Variants in TENM2 observed in about 807,000 individuals in gnomAD.
TENM2 encodes teneurin transmembrane protein 2, also known as teneurin-2.
TENM2 carries 52 observed loss-of-function variants against 245.2 expected under a neutral mutation model. The observed-to-expected ratio is 0.21, with a 90% CI of 0.17 to 0.27. The LOEUF is 0.27. TENM2 is among the 10% of genes least tolerant of loss of function. The probability of loss-of-function intolerance (pLI) is 1.00; values close to 1 mark genes in which losing one functional copy is unlikely to be tolerated. For missense variants in TENM2, 3,046 were observed against 3,666.8 expected, an observed-to-expected ratio of 0.83 and a Z score of 4.37; for synonymous variants, 1,363 against 1,438.9, an observed-to-expected ratio of 0.95 and a Z score of 1.19.
intron 2 of TENM2, among the ~76,000 whole-genome samples, chr5:167,829,281 CCTTAAAGAAACTG>C (rs1768258475): frequency 6.6e-6 from 1 of 152,214 alleles, no homozygotes; most frequent in African/African-American, 2.4e-5. Flanking sequence ...GAGACACCAG[CCTTAAAGAAACTG>C]CCTCATGTTC....
At chr5:167,945,024 C>T (rs1405603398) in intron 3 of TENM2, among the ~76,000 whole-genome samples, 1 of 152,102 alleles carries the variant, frequency 6.6e-6, no homozygotes, top group Non-Finnish European at 1.5e-5. Flanking sequence ...TCATTGATTC[C>T]AGCAATCAAC....
chr5:167,202,536 C>A, the TENM2 span, among the ~76,000 whole-genome samples: 2 of 152,190 alleles, frequency 1.3e-5, no homozygotes, highest in Non-Finnish European at 1.5e-5. Flanking sequence ...AAAGCCATAT[C>A]TCTTCTTCAT....
the TENM2 span, among the ~76,000 whole-genome samples, chr5:167,177,889 C>T: frequency 2.0e-5 from 3 of 152,172 alleles, no homozygotes; most frequent in African/African-American, 7.2e-5. Context: ...CGAACTGCAG[C>T]AGGTCCATAT....
At chr5:167,817,521 C>G (rs1359425939) in intron 2 of TENM2, among the ~76,000 whole-genome samples, 3 of 152,050 alleles carry the variant, frequency 2.0e-5, no homozygotes, top group South Asian at 2.1e-4. Context: ...TTTTCTTACT[C>G]AAAAGATTTA....
chr5:167,882,876 T>C (rs544103809), intron 3 of TENM2, among the ~76,000 whole-genome samples: 1 of 152,284 alleles, frequency 6.6e-6, no homozygotes, highest in South Asian at 2.1e-4. Flanking sequence ...CCCTATCTGA[T>C]TAGATTGAGC....
chr5:167,703,829 G>T (rs1758327110), intron 2 of TENM2, among the ~76,000 whole-genome samples: 2 of 152,132 alleles, frequency 1.3e-5, no homozygotes, highest in African/African-American at 2.4e-5. Flanking sequence ...GCTGATAGAA[G>T]AAAGTAAAAA....
chr5:167,082,317 C>T, the TENM2 span, among the ~76,000 whole-genome samples: 5 of 152,036 alleles, frequency 3.3e-5, 1 homozygote, highest in South Asian at 1.0e-3. Flanking sequence ...TGGAGTCTCA[C>T]TCTGTCGCTC....
chr5:167,831,765 T>C (rs777386960), intron 2 of TENM2, among the ~76,000 whole-genome samples: 130 of 152,294 alleles, frequency 8.5e-4, no homozygotes, highest in Non-Finnish European at 1.5e-3. Flanking sequence ...TGTCATATAA[T>C]AGCCTTAATG....
chr5:168,258,059 C>T (rs1767838680), intron 27 of TENM2, among the ~76,000 whole-genome samples: 1 of 152,146 alleles, frequency 6.6e-6, no homozygotes, highest in South Asian at 2.1e-4. Flanking sequence ...GACACATACT[C>T]AGGACCTATT....
chr5:167,406,846 G>A (rs1267655148), intron 2 of TENM2, among the ~76,000 whole-genome samples: 2 of 152,058 alleles, frequency 1.3e-5, no homozygotes, highest in African/African-American at 2.4e-5. Context: ...GCTTGTGTAT[G>A]TGTCATGGTG....
rs1756456010 is a variant in TENM2 at position 168,149,548 on chromosome 5, T to C, written c.2423-13063T>C. ...CACATCTAGCATTAGCGGTGCCACATAGAGTCACAGAGCAGGACAAATTTG... is the reference window on the plus strand; with the variant it reads ...CACATCTAGCATTAGCGGTGCCACACAGAGTCACAGAGCAGGACAAATTTG... On this transcript the variant is annotated intron_variant, in intron 12 of 28. Transcript: ENST00000518659. 6.6e-6 allele frequency: 3 copies of C among 454,390 alleles called. 1 individual carries two copies. The highest frequency in any genetic ancestry group is 4.4e-6 in the Non-Finnish European group (1 of 225,426). The allele number at this position is 454,390 out of a possible 1,614,324, so 28.1% of individuals were successfully genotyped here.
intron 21 of TENM2, 37 bp from the exon 24 acceptor site, chr5:168,216,731 T>C: frequency 6.2e-7 from 1 of 1,612,562 alleles, no homozygotes; most frequent in Non-Finnish European, 8.5e-7. Context: ...TCCTACACCT[T>C]TCCAAGAGAT....
chr5:168,024,917 A>G (rs1422082272), intron 5 of TENM2, among the ~76,000 whole-genome samples: 1 of 152,202 alleles, frequency 6.6e-6, no homozygotes, highest in Non-Finnish European at 1.5e-5. Flanking sequence ...AAAGAATGCT[A>G]TATGAAATGC....
intron 2 of TENM2, among the ~76,000 whole-genome samples, chr5:167,616,172 G>T (rs1162350223): frequency 6.6e-6 from 1 of 152,140 alleles, no homozygotes; most frequent in Admixed American, 6.6e-5. Context: ...TCACACCCTA[G>T]TTGTTGCTTC....
chr5:167,430,319 A>T (rs34626167), intron 2 of TENM2, among the ~76,000 whole-genome samples: 26,231 of 152,148 alleles, frequency 0.17, 2,445 homozygotes, highest in Middle Eastern at 0.24. Flanking sequence ...TACGGTAGAG[A>T]TTAAATAAAA....
intron 2 of TENM2, among the ~76,000 whole-genome samples, chr5:167,500,855 G>T (rs760150485): frequency 1.3e-5 from 2 of 152,098 alleles, no homozygotes; most frequent in Non-Finnish European, 2.9e-5. Flanking sequence ...CAAGCTGTTT[G>T]GAGAGGGAAG....
the TENM2 span, among the ~76,000 whole-genome samples, chr5:167,258,045 A>C: frequency 6.6e-6 from 1 of 151,958 alleles, no homozygotes; most frequent in African/African-American, 2.4e-5. Context: ...ATAAAACAAG[A>C]AACATAGAAC....
At chr5:167,896,219 T>C (rs1178706825) in intron 3 of TENM2, among the ~76,000 whole-genome samples, 1 of 152,068 alleles carries the variant, frequency 6.6e-6, no homozygotes, top group Non-Finnish European at 1.5e-5. Context: ...AGTAGTCAGC[T>C]GGGGTGGAGG....
chr5:168,014,274 T>A (rs934995676), intron 5 of TENM2, among the ~76,000 whole-genome samples: 2 of 152,244 alleles, frequency 1.3e-5, no homozygotes, highest in East Asian at 3.8e-4. Flanking sequence ...ATTTAATTCT[T>A]ACTACCACTA....
Sources: allele counts gnomAD v4.1 joint callset (sites outside exome capture counted in the v4.1 genomes callset), GRCh38; gene constraint gnomAD v4.1.1; transcripts MANE v1.5; gene names NCBI Gene and HGNC (gene_info 2026-07-23, HGNC 2026-07-21).